The following WWOX variants were observed in gnomAD, a reference collection of about 807,000 sequenced individuals.
WWOX encodes WW domain-containing oxidoreductase.
In WWOX, 69 loss-of-function variants were observed where a neutral mutation model predicts 46.2. The ratio of observed to expected loss-of-function variants is 1.49; its 90% CI spans 1.23 to 1.82. The LOEUF (loss-of-function observed/expected upper bound fraction) is 1.82, where lower values mean the gene tolerates loss of function less well. WWOX is among the 40% of genes most tolerant of loss of function. WWOX has a pLI of 0.00. For synonymous variants in WWOX, 359 were observed against 202.6 expected (o/e 1.77, Z -6.56); for missense variants, 919 against 542.6 (o/e 1.69, Z -6.89).
chr16:78,569,219 A>G (rs2256997), intron 8 of WWOX, among the ~76,000 whole-genome samples: 32 of 152,370 alleles, frequency 2.1e-4, no homozygotes, highest in African/African-American at 7.0e-4. Flanking sequence ...ACTGAGAAGA[A>G]TCAAAAATAG....
chr16:78,486,113 CG>C (rs1258536549), intron 8 of WWOX, among the ~76,000 whole-genome samples: 1 of 152,038 alleles, frequency 6.6e-6, no homozygotes. Context: ...GGTGGTATGC[CG>C]GTAAGTGTTG....
chr16:79,204,419 C>T (rs2051441703), intron 8 of WWOX: 1 of 152,062 alleles, frequency 6.6e-6, no homozygotes, highest in South Asian at 2.1e-4. Flanking sequence ...TTAGGAGTAC[C>T]CTCACCCTAA....
At chr16:78,103,721 C>T (rs954085379) in intron 1 of WWOX, among the ~76,000 whole-genome samples, 1 of 152,120 alleles carries the variant, frequency 6.6e-6, no homozygotes, top group Non-Finnish European at 1.5e-5. Context: ...TGTGGTTGTT[C>T]TTTCTAGGAG....
intron 8 of WWOX, among the ~76,000 whole-genome samples, chr16:79,147,537 G>A (rs1377201358): frequency 6.6e-6 from 1 of 152,164 alleles, no homozygotes; most frequent in African/African-American, 2.4e-5. Context: ...GCTATTGAAA[G>A]TAATGCTATT....
intron 8 of WWOX, among the ~76,000 whole-genome samples, chr16:78,937,239 C>A (rs901082417): frequency 1.3e-5 from 2 of 152,014 alleles, no homozygotes; most frequent in African/African-American, 4.8e-5. Flanking sequence ...AATAGTATTT[C>A]AAATTTACCT....
chr16:78,809,490 A>T, intron 8 of WWOX, among the ~76,000 whole-genome samples: 1 of 152,158 alleles, frequency 6.6e-6, no homozygotes, highest in African/African-American at 2.4e-5. Context: ...CCATCCCTCT[A>T]CCCTGAGGAC....
intron 8 of WWOX, among the ~76,000 whole-genome samples, chr16:78,851,301 A>C (rs1394868520): frequency 6.6e-6 from 1 of 152,168 alleles, no homozygotes; most frequent in East Asian, 1.9e-4. Flanking sequence ...TATAATTATC[A>C]CATAGTTTGA....
At chr16:78,954,844 C>T (rs953427216) in intron 8 of WWOX, among the ~76,000 whole-genome samples, 3 of 152,076 alleles carry the variant, frequency 2.0e-5, no homozygotes, top group Non-Finnish European at 2.9e-5. Context: ...GGCTGGAGTG[C>T]GGTGGCATGA....
intron 8 of WWOX, among the ~76,000 whole-genome samples, chr16:78,610,980 C>A (rs1456953656): frequency 2.0e-5 from 3 of 151,980 alleles, no homozygotes; most frequent in African/African-American, 7.3e-5. Flanking sequence ...ACAACAAAAA[C>A]AACAACAACA....
chr16:78,342,162 G>T (rs1360110788), intron 5 of WWOX, among the ~76,000 whole-genome samples: 1 of 121,570 alleles, frequency 8.2e-6, no homozygotes, highest in Non-Finnish European at 2.0e-5. Flanking sequence ...AAGGAAGGCT[G>T]AATGCTTTAT....
At chr16:78,630,931 C>T (rs1011731473) in intron 8 of WWOX, among the ~76,000 whole-genome samples, 10 of 152,154 alleles carry the variant, frequency 6.6e-5, no homozygotes, top group Admixed American at 3.3e-4. Flanking sequence ...AGATTAAAAG[C>T]ATTCGAACAA....
chr16:78,904,161 A>G (rs960688291), intron 8 of WWOX, among the ~76,000 whole-genome samples: 1 of 150,388 alleles, frequency 6.6e-6, no homozygotes, highest in African/African-American at 2.4e-5. Flanking sequence ...CAACTGTTAG[A>G]GTTTTTCTTT....
chr16:78,753,225 G>A (rs980066770), intron 8 of WWOX, among the ~76,000 whole-genome samples: 7 of 152,020 alleles, frequency 4.6e-5, no homozygotes, highest in African/African-American at 1.2e-4. Flanking sequence ...GTGTGAATCC[G>A]GGAGGCGGAG....
intron 5 of WWOX, among the ~76,000 whole-genome samples, chr16:78,317,488 C>G (rs543938469): frequency 6.6e-6 from 1 of 152,148 alleles, no homozygotes; most frequent in East Asian, 1.9e-4. Flanking sequence ...AGTATTCAGG[C>G]TGAGAAACCA....
chr16:78,813,023 C>G (rs867300690), intron 8 of WWOX, among the ~76,000 whole-genome samples: 20 of 150,850 alleles, frequency 1.3e-4, no homozygotes, highest in African/African-American at 3.2e-4. Flanking sequence ...ATAGGTAAAC[C>G]CATGTAATTT....
At chr16:78,896,512 A>G (rs1282302905) in intron 8 of WWOX, 2 of 152,194 alleles carry the variant, frequency 1.3e-5, no homozygotes, top group African/African-American at 4.8e-5. Context: ...GAGGCTGATC[A>G]TTAACTTGCA....
chr16:78,226,490 C>G (rs1192482993), intron 5 of WWOX, among the ~76,000 whole-genome samples: 1 of 110,622 alleles, frequency 9.0e-6, no homozygotes. Context: ...TCTTCCCTCC[C>G]TCCCTCCCTC....
intron 8 of WWOX, among the ~76,000 whole-genome samples, chr16:79,096,653 C>T (rs1012223646): frequency 6.6e-6 from 1 of 152,186 alleles, no homozygotes; most frequent in African/African-American, 2.4e-5. Context: ...TTATCATTGC[C>T]ATCAATCCAA....
chr16:79,090,670 G>T (rs2048941687), intron 8 of WWOX, among the ~76,000 whole-genome samples: 2 of 152,202 alleles, frequency 1.3e-5, no homozygotes, highest in South Asian at 2.1e-4. Flanking sequence ...AGGGTGCAAG[G>T]GAGGAGGGGA....
Sources: gnomAD v4.1 joint callset for allele counts (sites outside exome capture counted in the v4.1 genomes callset) on GRCh38, gnomAD v4.1.1 for gene constraint, MANE v1.5 for transcripts, NCBI Gene and HGNC (gene_info 2026-07-23, HGNC 2026-07-21) for gene names.